Variants in KCNC2 observed in about 807,000 individuals in gnomAD.
The protein encoded by KCNC2 is potassium voltage-gated channel subfamily C member 2.
Under a neutral mutation model 44.5 loss-of-function variants are expected in KCNC2, and 21 were observed. That is an observed-to-expected ratio of 0.47 (90% confidence interval 0.33 to 0.68). The LOEUF (loss-of-function observed/expected upper bound fraction) is 0.68, where lower values mean the gene tolerates loss of function less well. Ranked by LOEUF, KCNC2 falls within the 30% of genes least tolerant of loss-of-function variation. The probability of loss-of-function intolerance (pLI) is 0.01; values close to 1 mark genes in which losing one functional copy is unlikely to be tolerated. For missense variants in KCNC2, 589 were observed against 826.2 expected, an observed-to-expected ratio of 0.71 and a Z score of 3.52; for synonymous variants, 391 against 339.1, an observed-to-expected ratio of 1.15 and a Z score of -1.68.
At chr12:75,147,471 T>C (rs1481287060) in intron 2 of KCNC2, among the ~76,000 whole-genome samples, 3 of 152,124 alleles carry the variant, frequency 2.0e-5, no homozygotes, top group East Asian at 3.9e-4. Context: ...GTCAGTTGAA[T>C]GTGAAAATAA....
chr12:75,192,314 C>T (rs1389355926), intron 2 of KCNC2, among the ~76,000 whole-genome samples: 1 of 152,196 alleles, frequency 6.6e-6, no homozygotes, highest in Non-Finnish European at 1.5e-5. Context: ...ATTAGCAGGA[C>T]AATCAGTGCC....
intron 2 of KCNC2, among the ~76,000 whole-genome samples, chr12:75,107,564 G>T (rs1886888387): frequency 6.6e-6 from 1 of 152,072 alleles, no homozygotes; most frequent in Non-Finnish European, 1.5e-5. Flanking sequence ...ATCTTTGTTA[G>T]ATTTATGGTT....
intron 2 of KCNC2, among the ~76,000 whole-genome samples, chr12:75,068,079 A>C (rs1424886624): frequency 6.6e-6 from 1 of 152,176 alleles, no homozygotes; most frequent in Non-Finnish European, 1.5e-5. Flanking sequence ...CTAATGAATC[A>C]ATCTGGGGAA....
rs147887937 is a variant in KCNC2 at position 75,099,611 on chromosome 12, A to G, written c.688-48294T>C. 3.0e-3 allele frequency among the ~76,000 whole-genome samples: 452 copies of G among 152,298 alleles called. 2 individuals carry two copies. Among genetic ancestry groups the G allele is most frequent in the African/African-American group, 0.01 (417 of 41,580 alleles). ...TTTACAAGAATTCAATACTGATTCA[A>G]TCTTATGGTTTTATTACATAGCTAT... On this transcript the variant is annotated intron_variant, in intron 2 of 4. Coordinates refer to ENST00000549446, the MANE Select transcript of KCNC2 (RefSeq NM_139137.4).
chr12:75,107,768 A>C (rs1886908653), intron 2 of KCNC2, among the ~76,000 whole-genome samples: 1 of 152,200 alleles, frequency 6.6e-6, no homozygotes, highest in African/African-American at 2.4e-5. Flanking sequence ...ATTAATTCCT[A>C]AGTCATTAAT....
chr12:75,063,522 G>C (rs955467248), intron 2 of KCNC2, among the ~76,000 whole-genome samples: 2 of 151,956 alleles, frequency 1.3e-5, no homozygotes, highest in African/African-American at 2.4e-5. Context: ...TATAAAAAAG[G>C]TTTTCAATGT....
intron 2 of KCNC2, among the ~76,000 whole-genome samples, chr12:75,202,461 G>C (rs188503165): frequency 6.6e-6 from 1 of 151,878 alleles, no homozygotes; most frequent in East Asian, 1.9e-4. Flanking sequence ...CAATGCTTAG[G>C]TGGAAAGTGC....
intron 2 of KCNC2, among the ~76,000 whole-genome samples, chr12:75,085,233 A>C (rs1884897661): frequency 6.6e-6 from 1 of 152,064 alleles, no homozygotes; most frequent in African/African-American, 2.4e-5. Flanking sequence ...TCATATTATT[A>C]CCAGTAACCT....
intron 2 of KCNC2, among the ~76,000 whole-genome samples, chr12:75,152,757 T>C (rs541105500): frequency 6.6e-6 from 1 of 151,726 alleles, no homozygotes; most frequent in Non-Finnish European, 1.5e-5. Flanking sequence ...GGCCATAGAG[T>C]TGGAGAATTC....
chr12:75,106,592 T>C (rs1348739080), intron 2 of KCNC2, among the ~76,000 whole-genome samples: 1 of 152,106 alleles, frequency 6.6e-6, no homozygotes, highest in South Asian at 2.1e-4. Flanking sequence ...AAGGTATAGG[T>C]AATGGATGCA....
chr12:75,050,840 G>A lies in KCNC2; in HGVS notation c.1165C>T (p.Leu389=). ...GCAAATATCAAAACTCCTAGAGCCA[G>A]GAAAATTATCAGCAGCAAAAATTCA... ...TNEFLLLIIF[L]ALGVLIFATM... Residue 389 remains leucine, a synonymous_variant, in exon 3 of 5, where the codon CTG becomes TTG. Transcript: ENST00000549446. The A allele has an allele frequency of 6.2e-7, 1 of 1,613,414 alleles. No individual in the cohort carries two copies. The highest frequency in any genetic ancestry group is 8.5e-7 in the Non-Finnish European group (1 of 1,179,814).
At chr12:75,113,832 G>A (rs1331076984) in intron 2 of KCNC2, among the ~76,000 whole-genome samples, 1 of 152,090 alleles carries the variant, frequency 6.6e-6, no homozygotes, top group African/African-American at 2.4e-5. Context: ...CTTCAGCCGT[G>A]GATTGTAAGA....
chr12:75,199,678 C>A (rs1243370719), intron 2 of KCNC2, among the ~76,000 whole-genome samples: 5 of 151,840 alleles, frequency 3.3e-5, no homozygotes, highest in Non-Finnish European at 5.9e-5. Context: ...AAATGCTTTT[C>A]TCTTCAATTC....
chr12:75,148,122 A>G (rs1178054753), intron 2 of KCNC2, among the ~76,000 whole-genome samples: 2 of 152,110 alleles, frequency 1.3e-5, no homozygotes, highest in African/African-American at 2.4e-5. Context: ...ATGTATACAT[A>G]TATCAGAACA....
intron 4 of KCNC2, chr12:75,043,624 T>A: frequency 1.6e-6 from 2 of 1,239,212 alleles, no homozygotes; most frequent in East Asian, 2.9e-5. Flanking sequence ...AAAAGAGAAA[T>A]AAGTAGGCTA....
At chr12:75,185,882 C>G (rs993480180) in intron 2 of KCNC2, among the ~76,000 whole-genome samples, 1 of 151,548 alleles carries the variant, frequency 6.6e-6, no homozygotes, top group African/African-American at 2.4e-5. Flanking sequence ...TCTGTCTGTA[C>G]TAAAAATACA....
At chr12:75,127,868 T>C (rs1204689262) in intron 2 of KCNC2, among the ~76,000 whole-genome samples, 2 of 152,156 alleles carry the variant, frequency 1.3e-5, no homozygotes, top group Non-Finnish European at 2.9e-5. Context: ...TTTCCCAGTT[T>C]CAGTTGCAAT....
At chr12:75,149,940 A>C (rs1385507085) in intron 2 of KCNC2, among the ~76,000 whole-genome samples, 2 of 151,838 alleles carry the variant, frequency 1.3e-5, no homozygotes, top group African/African-American at 4.8e-5. Flanking sequence ...CTTTTAACAT[A>C]CTAAATTTGA....
intron 2 of KCNC2, among the ~76,000 whole-genome samples, chr12:75,163,403 G>A (rs763139829): frequency 6.6e-6 from 1 of 151,492 alleles, no homozygotes; most frequent in African/African-American, 2.4e-5. Flanking sequence ...TATTTAAATG[G>A]GATTCCTAAA....
Sources: allele counts gnomAD v4.1 joint callset (sites outside exome capture counted in the v4.1 genomes callset), GRCh38; gene constraint gnomAD v4.1.1; transcripts MANE v1.5; gene names NCBI Gene and HGNC (gene_info 2026-07-23, HGNC 2026-07-21).